Variants in SATB1 observed in about 807,000 individuals in gnomAD.
The protein encoded by SATB1 is DNA-binding protein SATB1.
Under a neutral mutation model 86.9 loss-of-function variants are expected in SATB1, and 11 were observed. The observed-to-expected ratio is 0.13, with a 90% CI of 0.08 to 0.21. The LOEUF (loss-of-function observed/expected upper bound fraction) is 0.21. SATB1 is among the 10% of genes least tolerant of loss of function. SATB1 has a pLI of 1.00. For synonymous variants in SATB1, 357 were observed against 357.2 expected (o/e 1.00, Z 0.01); for missense variants, 551 against 937.6 (o/e 0.59, Z 5.39).
intron 8 of SATB1, among the ~76,000 whole-genome samples, chr3:18,385,470 A>C (rs1383851267): frequency 6.6e-6 from 1 of 152,018 alleles, no homozygotes; most frequent in Non-Finnish European, 1.5e-5. Context: ...AAAACACAAA[A>C]AAATTAGCTG....
Position 18,405,783 on chromosome 3 carries a change from A to G in SATB1, c.640-8493T>C, listed in dbSNP as rs191161291. 4.3e-4 allele frequency among the ~76,000 whole-genome samples: 65 copies of G among 152,116 alleles called. 1 individual carries two copies. Among genetic ancestry groups the G allele is most frequent in the Admixed American group, 4.3e-3 (65 of 15,250 alleles). Reference sequence around the variant, plus strand: ...TCTCAGATCTGATCCAAGACTTCACAGAAGACTGAGGGCTAAACCGCAGCT... The same window carrying G: ...TCTCAGATCTGATCCAAGACTTCACGGAAGACTGAGGGCTAAACCGCAGCT... On this transcript the variant is annotated intron_variant, in intron 5 of 10. Transcript: ENST00000338745.
chr3:18,445,140 G>A, intron 1 of SATB1: 1 of 856,822 alleles, frequency 1.2e-6, no homozygotes, highest in Non-Finnish European at 1.4e-6. Context: ...CCGCCGCTTC[G>A]GAGCTTGTGC....
At position 18,415,213 on chromosome 3, in the gene SATB1, C is replaced by T. The variant is rs151233414; in HGVS notation, c.537G>A (p.Leu179=). 6.3e-5 allele frequency: 101 copies of T among 1,612,754 alleles called. No homozygotes were observed. The African/African-American group carries it at 1.3e-3, about 20-fold the overall frequency. Residue 179 remains leucine, a synonymous_variant, in exon 5 of 11, where the codon TTG becomes TTA. Transcript: ENST00000338745. ...QLHSCPKLED[L]PPEQWSHTTV... is the part of the protein sequence containing the mutation. Reference sequence around the variant, plus strand: ...TGGTGTGCGACCATTGTTCGGGAGGCAAGTCTTCTAGTTTGGGGCAACTAT... The same window carrying T: ...TGGTGTGCGACCATTGTTCGGGAGGTAAGTCTTCTAGTTTGGGGCAACTAT...
At chr3:18,422,576 CT>C (rs1698445303) in intron 1 of SATB1, among the ~76,000 whole-genome samples, 1 of 152,178 alleles carries the variant, frequency 6.6e-6, no homozygotes, top group South Asian at 2.1e-4. Context: ...CAAGATTACT[CT>C]TTTCCATTAT....
chr3:18,378,716 G>A (rs1212111548), intron 8 of SATB1, among the ~76,000 whole-genome samples: 1 of 152,106 alleles, frequency 6.6e-6, no homozygotes. Context: ...TCTTCACTGG[G>A]TGCCCGGTGC....
chr3:18,419,183 A>C (rs1047936782), intron 2 of SATB1, among the ~76,000 whole-genome samples: 2 of 152,184 alleles, frequency 1.3e-5, no homozygotes, highest in Non-Finnish European at 2.9e-5. Flanking sequence ...GTACTATCTA[A>C]TTACAGACCT....
At chr3:18,358,631 A>C (rs1172341297) in intron 9 of SATB1, among the ~76,000 whole-genome samples, 1 of 152,046 alleles carries the variant, frequency 6.6e-6, no homozygotes, top group Non-Finnish European at 1.5e-5. Flanking sequence ...CTTGATTCAA[A>C]GACGGGTTTT....
chr3:18,390,521 C>T (rs1368851255), intron 7 of SATB1, among the ~76,000 whole-genome samples: 2 of 152,064 alleles, frequency 1.3e-5, no homozygotes, highest in Non-Finnish European at 2.9e-5. Context: ...ACCTTTTTAC[C>T]TTTTATTCAA....
intron 2 of SATB1, among the ~76,000 whole-genome samples, chr3:18,418,845 A>T (rs1698244979): frequency 6.6e-6 from 1 of 152,212 alleles, no homozygotes; most frequent in Non-Finnish European, 1.5e-5. Flanking sequence ...AGACCCTCCT[A>T]CAATTAAACT....
intron 8 of SATB1, among the ~76,000 whole-genome samples, chr3:18,379,472 C>T (rs568340420): frequency 6.6e-6 from 1 of 152,266 alleles, no homozygotes; most frequent in East Asian, 1.9e-4. Flanking sequence ...AACTTACCAT[C>T]CTGGACAATT....
chr3:18,349,760 G>T lies in SATB1; in HGVS notation c.1780-78C>A. On this transcript the variant is annotated intron_variant, in intron 10 of 10. Coordinates refer to ENST00000338745, the MANE Select transcript of SATB1 (RefSeq NM_002971.6). This position sits in a 1 kb window ranked among gnomAD's most constrained non-coding sequence, Gnocchi z 5.5. ...AAAGCCGTCTCCAATCAGGAAAAAT[G>T]TGGTCCCGGATCCTACATATAGCTT... 1 of 1,505,988 alleles carries T rather than the reference G, an allele frequency of 6.6e-7. No individual in the cohort carries two copies. The highest frequency in any genetic ancestry group is 8.9e-7 in the Non-Finnish European group (1 of 1,129,194). 93.3% of individuals were successfully genotyped at this position (1,505,988 alleles called of 1,614,324 possible).
rs1300176060 is a variant in SATB1, at chr3:18,346,724, C to G, written c.*2446G>C. 1 of 152,020 alleles carries G rather than the reference C, an allele frequency of 6.6e-6. No individual in the cohort carries two copies. The highest frequency in any genetic ancestry group is 2.1e-4 in the South Asian group (1 of 4,832). 9.4% of individuals were successfully genotyped at this position (152,020 alleles called of 1,614,324 possible). On this transcript the variant is annotated 3_prime_UTR_variant, in exon 11 of 11. Coordinates refer to ENST00000338745, the MANE Select transcript of SATB1 (RefSeq NM_002971.6). ...GTTGATTACCAAACAAACATTCAAA[C>G]ATTCATCATTTCACTGAAAACACTA...
intron 9 of SATB1, among the ~76,000 whole-genome samples, chr3:18,376,228 G>T (rs1279957239): frequency 6.6e-6 from 1 of 150,990 alleles, no homozygotes; most frequent in African/African-American, 2.4e-5. Flanking sequence ...GTCAAAGATA[G>T]CAAAGGAATT....
intron 9 of SATB1, among the ~76,000 whole-genome samples, chr3:18,369,498 T>C (rs947809158): frequency 2.0e-5 from 3 of 152,170 alleles, no homozygotes; most frequent in African/African-American, 7.2e-5. Flanking sequence ...CTGCATTTTA[T>C]TTTTATTTAA....
In SATB1 at chr3:18,359,807, T is replaced by TA. The variant is rs575619571; in HGVS notation, c.1576-7613dup. 6.0e-4 allele frequency among the ~76,000 whole-genome samples: 91 copies of TA among 151,532 alleles called. No homozygotes were observed. The East Asian group carries it at 8.7e-3, about 15-fold the overall frequency. ...CCTCATTCTTCATAGCTGGTATCAT[T>TA]AAAAAAAACAGAAAACTCAGTACTC... On this transcript the variant is annotated intron_variant, in intron 9 of 10. Coordinates refer to ENST00000338745, the MANE Select transcript of SATB1 (RefSeq NM_002971.6).
At chr3:18,428,282 T>A (rs1698776577), upstream of SATB1, among the ~76,000 whole-genome samples, 1 of 152,182 alleles carries the variant, frequency 6.6e-6, no homozygotes, top group Admixed American at 6.5e-5. Context: ...TCTCTTCCTT[T>A]TCTTACAAAG....
At chr3:18,437,089 G>A (rs961207065) in intron 1 of SATB1, among the ~76,000 whole-genome samples, 2 of 152,060 alleles carry the variant, frequency 1.3e-5, no homozygotes, top group African/African-American at 2.4e-5. Context: ...TAGAATATTA[G>A]GTTATATAGA....
At chr3:18,435,984 A>G (rs750030817) in intron 2 of SATB1, among the ~76,000 whole-genome samples, 28 of 152,192 alleles carry the variant, frequency 1.8e-4, no homozygotes, top group Non-Finnish European at 2.9e-5. Flanking sequence ...AGCCCCACTC[A>G]TATTTTAAAA....
chr3:18,390,074 A>G (rs1008919178), intron 7 of SATB1, among the ~76,000 whole-genome samples: 1 of 152,218 alleles, frequency 6.6e-6, no homozygotes, highest in Non-Finnish European at 1.5e-5. Flanking sequence ...AAAATTCATT[A>G]GTAGTTGTAA....
Sources: allele counts gnomAD v4.1 joint callset (sites outside exome capture counted in the v4.1 genomes callset), GRCh38; gene constraint gnomAD v4.1.1; non-coding constraint Gnocchi (gnomAD v3.1); transcripts MANE v1.5; gene names NCBI Gene and HGNC (gene_info 2026-07-23, HGNC 2026-07-21).